Variants in RSPH10B2 observed in about 807,000 individuals in gnomAD.
The protein encoded by RSPH10B2 is radial spoke head 10 homolog B2, also known as radial spoke head 10 homolog B2 (Chlamydomonas).
Under a neutral mutation model 49.0 loss-of-function variants are expected in RSPH10B2, and 9 were observed. The ratio of observed to expected loss-of-function variants is 0.18; its 90% confidence interval spans 0.11 to 0.32. RSPH10B2 has a LOEUF of 0.32. Ranked by LOEUF, RSPH10B2 falls within the 10% of genes least tolerant of loss-of-function variation. The pLI is 1.00. For synonymous variants in RSPH10B2, 35 were observed against 210.2 expected, an observed-to-expected ratio of 0.17 and a Z score of 7.21; for missense variants, 95 against 589.9, an observed-to-expected ratio of 0.16 and a Z score of 8.69.
chr7:6,793,697 AGCCAGGTGTGGTG>A (rs1365625686), intron 17 of RSPH10B2, among the ~76,000 whole-genome samples: 1 of 140,882 alleles, frequency 7.1e-6, no homozygotes, highest in East Asian at 2.1e-4. Context: ...TACAAAAATT[AGCCAGGTGTGGTG>A]GCACACGCCT....
At chr7:6,754,192 C>A (rs1277535936), upstream of RSPH10B2, 1 of 139,558 alleles carries the variant, frequency 7.2e-6, no homozygotes, top group African/African-American at 2.8e-5. Context: ...CCCCAGGCCG[C>A]GGTCCTGCCT....
intron 14 of RSPH10B2, 143 bp from the exon 17 acceptor site, chr7:6,786,735 T>C: frequency 9.4e-7 from 1 of 1,067,924 alleles, no homozygotes. Context: ...GTGTGTGTCT[T>C]TGTGCACATG....
intron 16 of RSPH10B2, 85 bp from the exon 19 acceptor site, chr7:6,791,815 CTAAT>C (rs1418977927): frequency 1.2e-4 from 19 of 161,306 alleles, no homozygotes; most frequent in African/African-American, 3.7e-4. Context: ...TAATAATTTT[CTAAT>C]TAATTAAAGT....
chr7:6,792,686 T>C (rs1022844553), intron 17 of RSPH10B2, among the ~76,000 whole-genome samples: 2 of 121,352 alleles, frequency 1.6e-5, no homozygotes, highest in African/African-American at 6.3e-5. Flanking sequence ...CATGGGAATT[T>C]TCCGCTGTTA....
rs1468467244 is a variant in RSPH10B2, at chr7:6,796,783, C to T, written c.2432+17C>T. ...GGAAGCAAGGTAACTTACGAGGTCC[C>T]TCCTCTCCTTCCCCAGCTGCTCGCT... On this transcript the variant is annotated intron_variant, in intron 18 of 18. Coordinates refer to ENST00000297186, the Ensembl canonical transcript of RSPH10B2. 13 of 1,211,872 alleles carry T rather than the reference C, an allele frequency of 1.1e-5. 3 individuals carry two copies. Among genetic ancestry groups the T allele is most frequent in the Non-Finnish European group, 1.4e-5 (13 of 926,478 alleles). The allele number at this position is 1,211,872 out of a possible 1,614,324, so 75.1% of individuals were successfully genotyped here. A position where few individuals can be genotyped will look rare whatever the true frequency, so the allele number is the denominator to read the frequency against.
At chr7:6,785,506 T>C (rs1304194869) in intron 13 of RSPH10B2, among the ~76,000 whole-genome samples, 2 of 152,190 alleles carry the variant, frequency 1.3e-5, no homozygotes, top group Non-Finnish European at 2.9e-5. Context: ...CCAGAATGCT[T>C]TTCAAAATTA....
chr7:6,797,030 A>T (rs1782601548), intron 18 of RSPH10B2: 1 of 347,674 alleles, frequency 2.9e-6, no homozygotes, highest in Non-Finnish European at 4.9e-6. Flanking sequence ...TTTTTTTTTT[A>T]GACAGGGTCT....
intron 18 of RSPH10B2, among the ~76,000 whole-genome samples, chr7:6,797,513 T>C (rs1782634263): frequency 6.6e-6 from 1 of 152,176 alleles, no homozygotes; most frequent in African/African-American, 2.4e-5. Flanking sequence ...GAGATTGAGT[T>C]CAATAACTAA....
At chr7:6,784,917 G>A (rs1171189573) in intron 13 of RSPH10B2, among the ~76,000 whole-genome samples, 31 of 78,678 alleles carry the variant, frequency 3.9e-4, no homozygotes, top group Middle Eastern at 4.7e-3. Context: ...AACCAGTGCC[G>A]TGTGGTCAGG....
chr7:6,755,938 TAAA>T (rs1237393987), upstream of RSPH10B2, among the ~76,000 whole-genome samples: 3 of 75,982 alleles, frequency 3.9e-5, no homozygotes, highest in Admixed American at 1.4e-4. Flanking sequence ...AGAGTCTGTC[TAAA>T]AAAAAAAAAA....
At chr7:6,781,864 T>TA (rs1163972347) in intron 13 of RSPH10B2, among the ~76,000 whole-genome samples, 14 of 106,492 alleles carry the variant, frequency 1.3e-4, no homozygotes, top group African/African-American at 3.3e-4. Context: ...GCCATTGTCT[T>TA]AAAAAATATA....
upstream of RSPH10B2, among the ~76,000 whole-genome samples, chr7:6,756,435 A>G (rs1415780281): frequency 0.028 from 528 of 18,616 alleles, 1 homozygote; most frequent in Middle Eastern, 0.059. Context: ...TGCCGAGGCT[A>G]GAGTGCAGTG....
At position 6,784,629 on chromosome 7, in the gene RSPH10B2, G is replaced by A. The variant is rs1235408024; in HGVS notation, c.1759-1320G>A. On this transcript the variant is annotated intron_variant, in intron 13 of 18. Coordinates refer to ENST00000297186, the Ensembl canonical transcript of RSPH10B2. ...CACCCAGGCTGGAGTGCGGTGGCAC[G>A]ATCTCACCTCACTGCAACCTCTGCC... 8.9e-5 allele frequency among the ~76,000 whole-genome samples: 10 copies of A among 112,476 alleles called. 3 individuals carry two copies. The highest frequency in any genetic ancestry group is 4.0e-4 in the South Asian group (1 of 2,480). The allele number at this position is 112,476 out of a possible 152,430, so 73.8% of individuals were successfully genotyped here. A position where few individuals can be genotyped will look rare whatever the true frequency, so the allele number is the denominator to read the frequency against.
At chr7:6,752,411 T>A (rs1378275393), upstream of RSPH10B2, among the ~76,000 whole-genome samples, 1 of 119,804 alleles carries the variant, frequency 8.3e-6, no homozygotes, top group African/African-American at 3.3e-5. Flanking sequence ...CTGTTTGAAC[T>A]TGGCTGAAAA....
At chr7:6,796,373 A>C (rs1175253873) in intron 17 of RSPH10B2, among the ~76,000 whole-genome samples, 195 bp from the exon 20 acceptor site, 5 of 121,480 alleles carry the variant, frequency 4.1e-5, no homozygotes, top group African/African-American at 1.5e-4. Context: ...GGGAAGGCTG[A>C]CAATCCCAGC....
At chr7:6,798,750 A>ACAT (rs1452893960) in exon 19 of RSPH10B2, 1 of 143,674 alleles carries the variant, frequency 7.0e-6, no homozygotes. Flanking sequence ...CAAAATTAAA[A>ACAT]CATCAGCCGA....
exon 1 of RSPH10B2, chr7:6,757,820 T>G: frequency 6.3e-7 from 1 of 1,596,780 alleles, no homozygotes; most frequent in Non-Finnish European, 8.5e-7. Context: ...GTCCCATTGC[T>G]GGGAATGCAG....
chr7:6,792,863 C>T (rs1782398320), intron 17 of RSPH10B2, among the ~76,000 whole-genome samples: 1 of 115,694 alleles, frequency 8.6e-6, no homozygotes, highest in Non-Finnish European at 1.7e-5. Context: ...ACCTCTGCCT[C>T]CTGGGTTCAA....
chr7:6,782,723 A>G (rs1348514767), intron 13 of RSPH10B2, among the ~76,000 whole-genome samples: 5 of 117,984 alleles, frequency 4.2e-5, no homozygotes, highest in African/African-American at 1.6e-4. Flanking sequence ...TCGACTAAAA[A>G]TACAAAAAAA....
Sources: gnomAD v4.1 joint callset for allele counts (sites outside exome capture counted in the v4.1 genomes callset) on GRCh38, gnomAD v4.1.1 for gene constraint, MANE v1.5 for transcripts, NCBI Gene and HGNC (gene_info 2026-07-23, HGNC 2026-07-21) for gene names.